The following SUPT3H variants were observed in gnomAD, a reference collection of about 807,000 sequenced individuals.
SUPT3H encodes the protein transcription initiation protein SPT3 homolog.
A neutral mutation model predicts 44.3 loss-of-function variants in SUPT3H; 44 were observed. The observed-to-expected ratio is 0.99, with a 90% CI of 0.78 to 1.28. SUPT3H has a LOEUF of 1.28. SUPT3H is among the 50% of genes most tolerant of loss of function. The pLI is 0.00. For missense variants in SUPT3H, 380 were observed against 387.1 expected, an observed-to-expected ratio of 0.98 and a Z score of 0.15; for synonymous variants, 124 against 125.6, an observed-to-expected ratio of 0.99 and a Z score of 0.09.
At chr6:45,280,688 A>G (rs1303511346) in intron 2 of SUPT3H, among the ~76,000 whole-genome samples, 2 of 152,216 alleles carry the variant, frequency 1.3e-5, no homozygotes, top group Non-Finnish European at 2.9e-5. Flanking sequence ...TGAACTGGTA[A>G]TAAAAGGTCT....
chr6:44,864,823 T>A (rs1323614414), intron 10 of SUPT3H, among the ~76,000 whole-genome samples: 5 of 152,244 alleles, frequency 3.3e-5, no homozygotes, highest in Non-Finnish European at 5.9e-5. Flanking sequence ...TGACATGCCC[T>A]GGAGACATTT....
intron 6 of SUPT3H, among the ~76,000 whole-genome samples, chr6:44,972,495 A>G (rs1404311168): frequency 1.3e-5 from 2 of 152,078 alleles, no homozygotes; most frequent in Non-Finnish European, 2.9e-5. Context: ...CTTTTCCAGG[A>G]ACACAGTGCA....
At chr6:45,200,198 T>C (rs1253558228) in intron 2 of SUPT3H, among the ~76,000 whole-genome samples, 4 of 151,592 alleles carry the variant, frequency 2.6e-5, no homozygotes, top group Non-Finnish European at 4.4e-5. Flanking sequence ...ACATTTCTTA[T>C]TCAATTCTAC....
chr6:45,307,247 G>C (rs910138351), intron 2 of SUPT3H, among the ~76,000 whole-genome samples: 1 of 152,212 alleles, frequency 6.6e-6, no homozygotes, highest in African/African-American at 2.4e-5. Flanking sequence ...AAACGTCCCT[G>C]TCTCACAGCT....
chr6:44,891,622 C>G (rs1174274560), intron 10 of SUPT3H, among the ~76,000 whole-genome samples: 1 of 151,902 alleles, frequency 6.6e-6, no homozygotes, highest in Non-Finnish European at 1.5e-5. Flanking sequence ...GTTGTTATTG[C>G]TTAATGGGTA....
intron 10 of SUPT3H, among the ~76,000 whole-genome samples, chr6:44,877,791 T>C (rs1241610444): frequency 6.6e-6 from 1 of 152,200 alleles, no homozygotes; most frequent in African/African-American, 2.4e-5. Context: ...TTCATAGAAT[T>C]CCATTATCAG....
intron 2 of SUPT3H, among the ~76,000 whole-genome samples, chr6:45,132,693 C>A (rs1159272554): frequency 6.6e-6 from 1 of 152,008 alleles, no homozygotes; most frequent in East Asian, 1.9e-4. Flanking sequence ...TGGAAAATAA[C>A]CCATCTGAAT....
chr6:45,321,014 A>G (rs1352385888), intron 2 of SUPT3H, among the ~76,000 whole-genome samples: 2 of 152,156 alleles, frequency 1.3e-5, no homozygotes, highest in Non-Finnish European at 2.9e-5. Context: ...TGACATACCA[A>G]TAACAGATGC....
intron 10 of SUPT3H, among the ~76,000 whole-genome samples, chr6:44,837,053 A>G (rs778516775): frequency 3.3e-5 from 5 of 152,214 alleles, no homozygotes; most frequent in African/African-American, 4.8e-5. Context: ...TTTGTAATAG[A>G]TAACATCAAA....
chr6:44,916,227 T>C (rs747604972), intron 10 of SUPT3H, among the ~76,000 whole-genome samples: 3 of 152,214 alleles, frequency 2.0e-5, no homozygotes, highest in African/African-American at 4.8e-5. Flanking sequence ...TGGAAACTTA[T>C]CATTAAAGCC....
intron 10 of SUPT3H, among the ~76,000 whole-genome samples, chr6:44,863,931 C>A (rs1031530741): frequency 6.6e-6 from 1 of 151,892 alleles, no homozygotes; most frequent in Admixed American, 6.6e-5. Context: ...ATGGGAGAAA[C>A]TGCCCCCATG....
intron 10 of SUPT3H, among the ~76,000 whole-genome samples, chr6:44,891,887 A>G (rs940121084): frequency 6.6e-6 from 1 of 152,102 alleles, no homozygotes; most frequent in Non-Finnish European, 1.5e-5. Flanking sequence ...TATAGGTGGT[A>G]GGTATACAGG....
intron 10 of SUPT3H, among the ~76,000 whole-genome samples, chr6:44,856,735 G>A (rs945083669): frequency 6.6e-6 from 1 of 152,148 alleles, no homozygotes; most frequent in East Asian, 1.9e-4. Context: ...TTAAACAAAC[G>A]CCTTATAAAT....
intron 2 of SUPT3H, among the ~76,000 whole-genome samples, chr6:45,311,035 TAAG>T (rs1282382014): frequency 6.6e-6 from 1 of 152,142 alleles, no homozygotes; most frequent in Non-Finnish European, 1.5e-5. Context: ...AAAAGTGATA[TAAG>T]AAGTGAAGGG....
At chr6:45,010,347 T>A (rs766227304) in intron 5 of SUPT3H, among the ~76,000 whole-genome samples, 2 of 152,144 alleles carry the variant, frequency 1.3e-5, no homozygotes, top group Non-Finnish European at 1.5e-5. Context: ...ACTAAACACC[T>A]GGCTAAAACC....
intron 2 of SUPT3H, among the ~76,000 whole-genome samples, chr6:45,345,245 A>T (rs1225366511): frequency 6.6e-6 from 1 of 152,214 alleles, no homozygotes; most frequent in East Asian, 1.9e-4. Flanking sequence ...CTTGATTGTT[A>T]AAGACTGTAA....
intron 2 of SUPT3H, among the ~76,000 whole-genome samples, chr6:45,272,093 T>A (rs1776285766): frequency 6.6e-6 from 1 of 152,212 alleles, no homozygotes; most frequent in Non-Finnish European, 1.5e-5. Flanking sequence ...TTTGACAGGC[T>A]CATAGGCAGA....
intron 10 of SUPT3H, chr6:44,898,597 A>G (rs1235124134): frequency 6.6e-6 from 1 of 152,234 alleles, no homozygotes; most frequent in Non-Finnish European, 1.5e-5. Context: ...TGTAACAGTA[A>G]GTTCTAAGGT....
At chr6:45,307,339 C>T (rs187431068) in intron 2 of SUPT3H, among the ~76,000 whole-genome samples, 3 of 152,214 alleles carry the variant, frequency 2.0e-5, no homozygotes, top group African/African-American at 7.2e-5. Flanking sequence ...GTCCCTGACA[C>T]CCGAGTAGCC....
Sources: allele counts gnomAD v4.1 joint callset (sites outside exome capture counted in the v4.1 genomes callset), GRCh38; gene constraint gnomAD v4.1.1; transcripts MANE v1.5; gene names NCBI Gene and HGNC (gene_info 2026-07-23, HGNC 2026-07-21).